Variants in CPSF1 observed in about 807,000 individuals in gnomAD.
CPSF1 encodes cleavage and polyadenylation specificity factor subunit 1.
In CPSF1, 106 loss-of-function variants were observed where a neutral mutation model predicts 175.8. The observed-to-expected ratio is 0.60, with a 90% CI of 0.52 to 0.71. CPSF1 has a LOEUF of 0.71. Ranked by LOEUF, CPSF1 falls within the 30% of genes least tolerant of loss-of-function variation. The probability of loss-of-function intolerance (pLI) is 0.00; values close to 1 mark genes in which losing one functional copy is unlikely to be tolerated. For synonymous variants in CPSF1, 1,024 were observed against 858.3 expected (o/e 1.19, Z -3.37); for missense variants, 1,734 against 2,022.9 (o/e 0.86, Z 2.74).
In CPSF1 at chr8:144,396,828, A is replaced by G. The variant is rs1238157604; in HGVS notation, c.2682+12T>C. On this transcript the variant is annotated intron_variant, in intron 24 of 37. Coordinates refer to ENST00000616140, the MANE Select transcript of CPSF1 (RefSeq NM_013291.3). ...CACCCACCCCACGCCCCAGCAGTCC[A>G]GCCACTGGCACCTTCTTAAAGCGGA... 5 of 1,613,796 alleles carry G rather than the reference A, an allele frequency of 3.1e-6. No individual in the cohort carries two copies. Among genetic ancestry groups the G allele is most frequent in the Non-Finnish European group, 4.2e-6 (5 of 1,179,884 alleles).
Position 144,393,980 on chromosome 8 carries a change from G to A in CPSF1, c.3918C>T (p.Ala1306=), listed in dbSNP as rs201105226. 5.6e-6 allele frequency: 9 copies of A among 1,613,524 alleles called. No homozygotes were observed. Among genetic ancestry groups the A allele is most frequent in the African/African-American group, 4.0e-5 (3 of 75,046 alleles). The part of the protein sequence containing the change: ...LLRRADFHVG[A]HVNTFWRTPC... Reference sequence around the variant, plus strand: ...GGGTCCTCCAGAACGTGTTCACGTGGGCACCCACGTGGAAGTCTGCCCGAC... The same window carrying A: ...GGGTCCTCCAGAACGTGTTCACGTGAGCACCCACGTGGAAGTCTGCCCGAC... The change falls in exon 35 of 38, where the codon GCC becomes GCT. Residue 1306 remains alanine, a synonymous_variant. Coordinates refer to ENST00000616140, the MANE Select transcript of CPSF1 (RefSeq NM_013291.3).
At chr8:144,405,664 TCTCC>T (rs1311634966) in intron 2 of CPSF1, among the ~76,000 whole-genome samples, 8 of 151,892 alleles carry the variant, frequency 5.3e-5, no homozygotes, top group African/African-American at 1.9e-4. Context: ...AAGGTGGCTG[TCTCC>T]CTCCCTCTCC....
chr8:144,397,643 C>G lies in CPSF1; in HGVS notation c.2229G>C (p.Glu743Asp). ...GSETSPTVDD[E>D]EEMLYGDSGS... ...CCGAATCCCCATACAGCATCTCCTCCTCGTCATCCACTGTGGGGCTGGGGG... is the reference window on the plus strand; with the variant it reads ...CCGAATCCCCATACAGCATCTCCTCGTCGTCATCCACTGTGGGGCTGGGGG... Residue 743 changes from glutamate to aspartate, a missense_variant, in exon 22 of 38, where the codon GAG becomes GAC. Physicochemically the swap from Glu to Asp is conservative, Grantham distance 45. Transcript: ENST00000616140. 1 of 1,533,328 alleles carries G rather than the reference C, an allele frequency of 6.5e-7. No individual in the cohort carries two copies. Among genetic ancestry groups the G allele is most frequent in the Admixed American group, 2.0e-5 (1 of 49,570 alleles). The allele number at this position is 1,533,328 out of a possible 1,614,324, so 95.0% of individuals were successfully genotyped here. A position where few individuals can be genotyped will look rare whatever the true frequency, so the allele number is the denominator to read the frequency against.
chr8:144,408,924 T>C (rs1455317093), intron 2 of CPSF1, 91 bp downstream of exon 2: 1 of 1,479,066 alleles, frequency 6.8e-7, no homozygotes, highest in African/African-American at 1.4e-5. Context: ...TCACTCAACT[T>C]GTCTGGGGCT....
chr8:144,400,167 A>C lies in CPSF1; in HGVS notation c.936T>G (p.Leu312=), dbSNP rs1821104096. 1 of 761,668 alleles carries C rather than the reference A, an allele frequency of 1.3e-6. No individual in the cohort carries two copies. The highest frequency in any genetic ancestry group is 1.8e-6 in the Non-Finnish European group (1 of 543,890). The allele number at this position is 761,668 out of a possible 1,614,324, so 47.2% of individuals were successfully genotyped here. ...CCGCCCCAGCCACCCCACACTCACG[A>C]AGCGGGAAAGCCGTGGTTCCTGTGG... ...SLTTGTTAFP[L]RTQEGVRITL... The change falls in exon 9 of 38, where the codon CTT becomes CTG. Residue 312 remains leucine, a splice_region_variant and synonymous_variant. Coordinates refer to ENST00000616140, the MANE Select transcript of CPSF1 (RefSeq NM_013291.3).
Position 144,409,094 on chromosome 8 carries a change from AAGTTGC to A in CPSF1, c.59_64del (p.Cys20_Asn21del). 6.2e-7 allele frequency: 1 copy of A among 1,613,860 alleles called. No homozygotes were observed. The highest frequency in any genetic ancestry group is 8.5e-7 in the Non-Finnish European group (1 of 1,179,916). On this transcript the variant is annotated inframe_deletion, in exon 2 of 38. Coordinates refer to ENST00000616140, the MANE Select transcript of CPSF1 (RefSeq NM_013291.3). ...CAGGTTGCGCTCGCTGTTGTTGAAG[AAGTTGC>A]AGTACATGGAGAACTCCAGACCGGT... is the stretch of plus-strand genomic sequence containing the variant.
In CPSF1 at chr8:144,399,900, G is replaced by A; in HGVS notation, c.1032-32C>T. The A allele has an allele frequency of 1.3e-6, 2 of 1,551,640 alleles. No homozygotes were observed. Among genetic ancestry groups the A allele is most frequent in the East Asian group, 2.4e-5 (1 of 41,868 alleles). On this transcript the variant is annotated intron_variant, in intron 10 of 37. Coordinates refer to ENST00000616140, the MANE Select transcript of CPSF1 (RefSeq NM_013291.3). This position sits in a 1 kb window ranked among gnomAD's most constrained non-coding sequence, Gnocchi z 6.4. ...GCAGGGAGAATTCTGAGTCGGGGATGGGGACCCTGGGGGAGTGAAGGGGGC... is the reference window on the plus strand; with the variant it reads ...GCAGGGAGAATTCTGAGTCGGGGATAGGGACCCTGGGGGAGTGAAGGGGGC...
At position 144,399,211 on chromosome 8, in the gene CPSF1, C is replaced by T. The variant is rs2116860308; in HGVS notation, c.1393-9G>A. On this transcript the variant is annotated splice_polypyrimidine_tract_variant and intron_variant, in intron 14 of 37. Transcript: ENST00000616140. This position sits in a 1 kb window ranked among gnomAD's most constrained non-coding sequence, Gnocchi z 6.4. ...AGGATGCTGTCACACACCTGCGGCA[C>T]AGCAAGAGTCAGGGGCCCGCTGGGG... 1.9e-6 allele frequency: 3 copies of T among 1,610,928 alleles called. No individual in the cohort carries two copies. The highest frequency in any genetic ancestry group is 2.5e-6 in the Non-Finnish European group (3 of 1,179,234).
chr8:144,407,625 C>T (rs1420598683), intron 2 of CPSF1, among the ~76,000 whole-genome samples: 1 of 152,016 alleles, frequency 6.6e-6, no homozygotes, highest in Non-Finnish European at 1.5e-5. Context: ...CCTGAACCCA[C>T]GAGGCGGAGG....
At position 144,398,043 on chromosome 8, in the gene CPSF1, C is replaced by T. The variant is rs1210458451; in HGVS notation, c.1984G>A (p.Glu662Lys). 3 of 1,612,328 alleles carry T rather than the reference C, an allele frequency of 1.9e-6. No homozygotes were observed. The highest frequency in any genetic ancestry group is 2.5e-6 in the Non-Finnish European group (3 of 1,179,772). ...AGCAGGAACATGGTGACGTGGCCCTCGGCACTCATGATGACCACATAGGGG... is the reference window on the plus strand; with the variant it reads ...AGCAGGAACATGGTGACGTGGCCCTTGGCACTCATGATGACCACATAGGGG... ...ADPYVVIMSA[E>K]GHVTMFLLKS... Residue 662 changes from glutamate (E) to lysine (K), a missense_variant, in exon 20 of 38, where the codon GAG becomes AAG. By Grantham distance (56) the Glu-to-Lys change is moderately conservative. Transcript: ENST00000616140.
intron 9 of CPSF1, 31 bp downstream of exon 9, chr8:144,400,135 G>GGGGGGGGGGCCCCCCCC: frequency 2.2e-6 from 2 of 896,012 alleles, no homozygotes; most frequent in Non-Finnish European, 3.2e-6. Flanking sequence ...CCGTCCCCGG[G>GGGGGGGGGGCCCCCCCC]CCCCCCCCGC....
At chr8:144,396,293 AG>A in intron 26 of CPSF1, 54 bp downstream of exon 26, 1 of 1,523,664 alleles carries the variant, frequency 6.6e-7, no homozygotes, top group Non-Finnish European at 8.9e-7. Context: ...CCTCCCCCTC[AG>A]CCCCCAGCTG....
At chr8:144,395,751 T>C (rs2130758650) in intron 26 of CPSF1, 200 bp from the exon 27 acceptor site, 1 of 603,432 alleles carries the variant, frequency 1.7e-6, no homozygotes, top group East Asian at 2.8e-5. Context: ...TTTCCCACGC[T>C]CAGCTGGGGC....
intron 2 of CPSF1, among the ~76,000 whole-genome samples, chr8:144,403,593 C>G (rs1236215777): frequency 6.6e-6 from 1 of 151,868 alleles, no homozygotes; most frequent in Non-Finnish European, 1.5e-5. Context: ...CACTCTGTCA[C>G]CCAGGCTGGA....
In CPSF1 at chr8:144,396,671, G is replaced by A; in HGVS notation, c.2753C>T (p.Ala918Val). 1 of 1,613,914 alleles carries A rather than the reference G, an allele frequency of 6.2e-7. No individual in the cohort carries two copies. The highest frequency in any genetic ancestry group is 8.5e-7 in the Non-Finnish European group (1 of 1,180,028). Residue 918 changes from alanine to valine, a missense_variant, in exon 25 of 38, where the codon GCA (alanine) becomes GTA (valine). Physicochemically the swap from Ala to Val is moderately conservative, Grantham distance 64 (BLOSUM62 0). Around this residue, in one of 10 missense-constraint regions of CPSF1, gnomAD observed 585 missense variants for 584.7 expected, o/e 1.00. Coordinates refer to ENST00000616140, the MANE Select transcript of CPSF1 (RefSeq NM_013291.3). ...PSKKKAEGGGAEEGAGARGRV... is the reference protein window; with the variant it reads ...PSKKKAEGGGVEEGAGARGRV... ...GCCCCGGGCCCCAGCCCCCTCCTCT[G>A]CGCCGCCACCTTCTGCTTTCTTCTT...
At position 144,399,634 on chromosome 8, in the gene CPSF1, T is replaced by C; in HGVS notation, c.1196A>G (p.Lys399Arg). ...GNSLLLKYTE[K>R]LQEPPASAVR... ...AGCACTGGCCGGGGGCTCCTGCAGC[T>C]TCTCCGTGTACTTGAGGAGGAGGGA... Residue 399 changes from lysine (K) to arginine (R), a missense_variant, in exon 12 of 38, where the codon AAG becomes AGG. Physicochemically the swap from Lys to Arg is conservative, Grantham distance 26 (BLOSUM62 2). This residue lies in a region of CPSF1 where 162 missense variants were observed against 169.5 expected (regional missense o/e 0.96). Transcript: ENST00000616140. The surrounding 1 kb of genome is among the most constrained non-coding windows in gnomAD (Gnocchi z 6.4). 6.2e-7 allele frequency: 1 copy of C among 1,610,818 alleles called. No individual in the cohort carries two copies.
chr8:144,393,503 G>A lies in CPSF1; in HGVS notation c.4233C>T (p.Ser1411=), dbSNP rs56061500. 4.2e-5 allele frequency: 66 copies of A among 1,585,380 alleles called. No homozygotes were observed. Among genetic ancestry groups the A allele is most frequent in the Non-Finnish European group, 5.1e-5 (60 of 1,167,848 alleles). ...TGGCTAGCTCGCTGCGCTCCATGGTGCTCAGGTACAGGTAGCGGTTGAGCA... is the reference window on the plus strand; with the variant it reads ...TGGCTAGCTCGCTGCGCTCCATGGTACTCAGGTACAGGTAGCGGTTGAGCA... ...GELLNRYLYL[S]TMERSELAKK... Residue 1411 remains serine, a synonymous_variant, in exon 37 of 38, where the codon AGC becomes AGT. Coordinates refer to ENST00000616140, the MANE Select transcript of CPSF1 (RefSeq NM_013291.3).
chr8:144,397,911 C>A (rs1044921496), intron 20 of CPSF1, 32 bp from the exon 21 acceptor site: 6 of 1,598,282 alleles, frequency 3.8e-6, no homozygotes, highest in African/African-American at 1.3e-5. Flanking sequence ...CAGCGGCGGG[C>A]AAGGGGCAGG....
intron 2 of CPSF1, 56 bp downstream of exon 2, chr8:144,408,959 G>A (rs909194820): frequency 6.3e-6 from 10 of 1,587,216 alleles, no homozygotes; most frequent in Non-Finnish European, 8.6e-6. Context: ...GCAACCGGGG[G>A]CGGTGAGAGC....
Sources: gnomAD v4.1 joint callset for allele counts (sites outside exome capture counted in the v4.1 genomes callset) on GRCh38, gnomAD v4.1.1 for gene constraint, gnomAD v4.1.1 regional missense constraint, Gnocchi (gnomAD v3.1) non-coding constraint, MANE v1.5 for transcripts, NCBI Gene and HGNC (gene_info 2026-07-23, HGNC 2026-07-21) for gene names.